The following SYNPO2 variants were observed in gnomAD, a reference collection of about 807,000 sequenced individuals.
The protein encoded by SYNPO2 is synaptopodin 2.
In SYNPO2, 56 loss-of-function variants were observed where a neutral mutation model predicts 85.0. The ratio of observed to expected loss-of-function variants is 0.66; its 90% CI spans 0.53 to 0.82. The LOEUF (loss-of-function observed/expected upper bound fraction) is 0.82, where lower values mean the gene tolerates loss of function less well. Among genes scored for constraint, SYNPO2 ranks in the 40% least tolerant of loss-of-function variants. The pLI is 0.00. For synonymous variants in SYNPO2, 602 were observed against 591.1 expected (o/e 1.02, Z -0.27); for missense variants, 1,575 against 1,534.2 (o/e 1.03, Z -0.44).
chr4:118,911,112 AG>A (rs572589817), intron 1 of SYNPO2, among the ~76,000 whole-genome samples: 19 of 152,302 alleles, frequency 1.2e-4, no homozygotes, highest in Admixed American at 6.5e-4. Context: ...TAAGTATCTA[AG>A]AGATCTATCC....
At chr4:119,037,398 C>T in intron 4 of SYNPO2, 4 of 1,208,332 alleles carry the variant, frequency 3.3e-6, no homozygotes, top group Non-Finnish European at 4.1e-6. Context: ...AAAAAATTCA[C>T]ATTCTAAGAA....
intron 1 of SYNPO2, among the ~76,000 whole-genome samples, chr4:118,964,886 T>C (rs1485690131): frequency 1.3e-5 from 2 of 152,288 alleles, no homozygotes; most frequent in Middle Eastern, 3.4e-3. Context: ...GTGGAATACA[T>C]AGTGTGTCCC....
At chr4:118,998,889 T>G (rs1306989829) in intron 1 of SYNPO2, among the ~76,000 whole-genome samples, 5 of 151,408 alleles carry the variant, frequency 3.3e-5, no homozygotes, top group African/African-American at 1.2e-4. Flanking sequence ...TCTGTTTTTG[T>G]TTTTGTTTTT....
chr4:118,919,299 G>A (rs1733456303), intron 1 of SYNPO2, among the ~76,000 whole-genome samples: 1 of 152,072 alleles, frequency 6.6e-6, no homozygotes, highest in African/African-American at 2.4e-5. Flanking sequence ...TCAGTCATTT[G>A]GAATTGATGA....
rs1739334734 is a variant in SYNPO2 at position 119,059,454 on chromosome 4, A to G, written c.*1520A>G. 6.6e-6 allele frequency: 1 copy of G among 152,156 alleles called. No individual in the cohort carries two copies. Among genetic ancestry groups the G allele is most frequent in the Admixed American group, 6.6e-5 (1 of 15,258 alleles). 9.4% of individuals were successfully genotyped at this position (152,156 alleles called of 1,614,324 possible). A position where few individuals can be genotyped will look rare whatever the true frequency, so the allele number is the denominator to read the frequency against. On this transcript the variant is annotated 3_prime_UTR_variant, in exon 5 of 5. Transcript: ENST00000307142. ...ACATGCCTTGTTAGCATGCCCATCA[A>G]ATAATCAGATCAAACACCTGCTCCT...
intron 1 of SYNPO2, among the ~76,000 whole-genome samples, chr4:118,893,527 AATG>A (rs1348219360): frequency 6.6e-6 from 1 of 152,208 alleles, no homozygotes; most frequent in African/African-American, 2.4e-5. Context: ...AGCTACAAAA[AATG>A]ATGAGATTTG....
In SYNPO2 at chr4:118,970,327, A is replaced by C. The variant is rs570212836; in HGVS notation, c.106-53103A>C. Among the ~76,000 whole-genome samples the C allele has an allele frequency of 7.4e-4, 112 of 152,310 alleles. 1 individual carries two copies. Among genetic ancestry groups the C allele is most frequent in the African/African-American group, 2.6e-3 (110 of 41,576 alleles). ...AGATAAATAAATGTTTTATTGAGAA[A>C]TTTCCAAAGGTCTTGCTATCATATG... On this transcript the variant is annotated intron_variant, in intron 1 of 4. Coordinates refer to ENST00000307142, the MANE Select transcript of SYNPO2 (RefSeq NM_133477.3).
At chr4:118,932,820 T>C (rs538366084) in intron 1 of SYNPO2, among the ~76,000 whole-genome samples, 2 of 152,326 alleles carry the variant, frequency 1.3e-5, no homozygotes, top group South Asian at 4.1e-4. Context: ...TTGTGGAGTG[T>C]CCCTTACAAA....
intron 1 of SYNPO2, among the ~76,000 whole-genome samples, chr4:118,962,471 A>G (rs77299001): frequency 0.011 from 1,665 of 152,294 alleles, 31 homozygotes; most frequent in African/African-American, 0.037. Flanking sequence ...TAATATAATA[A>G]TAATTAAAGT....
At position 119,060,417 on chromosome 4, in the gene SYNPO2, G is replaced by A. The variant is rs1466220666; in HGVS notation, c.*2483G>A. 2.6e-5 allele frequency: 4 copies of A among 151,996 alleles called. No homozygotes were observed. Among genetic ancestry groups the A allele is most frequent in the African/African-American group, 7.3e-5 (3 of 41,340 alleles). The allele number at this position is 151,996 out of a possible 1,614,324, so 9.4% of individuals were successfully genotyped here. A position where few individuals can be genotyped will look rare whatever the true frequency, so the allele number is the denominator to read the frequency against. On this transcript the variant is annotated 3_prime_UTR_variant, in exon 5 of 5. Transcript: ENST00000307142. ...TGCAGATATGAACCTGAAAATCAAAGTGCCATTGTTAAATCATCCTAAAGT... is the reference window on the plus strand; with the variant it reads ...TGCAGATATGAACCTGAAAATCAAAATGCCATTGTTAAATCATCCTAAAGT...
At chr4:119,017,219 T>C (rs1206373774) in intron 1 of SYNPO2, among the ~76,000 whole-genome samples, 1 of 152,198 alleles carries the variant, frequency 6.6e-6, no homozygotes, top group East Asian at 1.9e-4. Context: ...TTTAGACACA[T>C]GATTTGTAGA....
intron 1 of SYNPO2, among the ~76,000 whole-genome samples, chr4:118,998,110 G>A (rs79610863): frequency 0.11 from 16,045 of 152,130 alleles, 866 homozygotes; most frequent in East Asian, 0.14. Flanking sequence ...CTTGATAACC[G>A]CATTTTTCAA....
rs1228083219 is a variant in SYNPO2, at chr4:119,028,347, TAA to T, written c.1069+910_1069+911del. On this transcript the variant is annotated intron_variant, in intron 3 of 4. Coordinates refer to ENST00000307142, the MANE Select transcript of SYNPO2 (RefSeq NM_133477.3). Reference sequence around the variant, plus strand: ...AATTCGGTTATTCAAAGTAGGATATTAAGTCTTCTAACCTATTGTTATTCCTT... The same window carrying T: ...AATTCGGTTATTCAAAGTAGGATATTGTCTTCTAACCTATTGTTATTCCTT... Among the ~76,000 whole-genome samples, 6 of 152,240 alleles carry T rather than the reference TAA, an allele frequency of 3.9e-5. No individual in the cohort carries two copies. In the South Asian group the frequency reaches 6.2e-4, roughly 16 times the overall value.
At chr4:118,920,629 A>G (rs1733501558) in intron 1 of SYNPO2, among the ~76,000 whole-genome samples, 1 of 152,152 alleles carries the variant, frequency 6.6e-6, no homozygotes, top group South Asian at 2.1e-4. Context: ...TTAACCATCA[A>G]AAGAACTCTT....
At chr4:118,985,743 A>C (rs1489785190) in intron 1 of SYNPO2, among the ~76,000 whole-genome samples, 2 of 152,228 alleles carry the variant, frequency 1.3e-5, no homozygotes, top group African/African-American at 4.8e-5. Context: ...CCCTGCACAG[A>C]ACTTGGTTCA....
At chr4:119,034,578 G>A in intron 4 of SYNPO2, 1 of 985,562 alleles carries the variant, frequency 1.0e-6, no homozygotes, top group Non-Finnish European at 1.2e-6. Flanking sequence ...CTTCAGCTGG[G>A]CACTGGCAGC....
Position 119,036,479 on chromosome 4 carries a change from T to G in SYNPO2, c.3252+4452T>G, listed in dbSNP as rs1286815275. 3 of 985,320 alleles carry G rather than the reference T, an allele frequency of 3.0e-6. No homozygotes were observed. In the African/African-American group the frequency reaches 5.2e-5, roughly 17 times the overall value. The allele number at this position is 985,320 out of a possible 1,614,324, so 61.0% of individuals were successfully genotyped here. A position where few individuals can be genotyped will look rare whatever the true frequency, so the allele number is the denominator to read the frequency against. On this transcript the variant is annotated intron_variant, in intron 4 of 4. Transcript: ENST00000307142. ...ACAATTATTCTGGGAAAAAGCAGAATTGAATTCTTCTCTAGATGTCCTACC... is the reference window on the plus strand; with the variant it reads ...ACAATTATTCTGGGAAAAAGCAGAAGTGAATTCTTCTCTAGATGTCCTACC...
chr4:118,921,882 T>C (rs1380590945), intron 1 of SYNPO2, among the ~76,000 whole-genome samples: 4 of 152,094 alleles, frequency 2.6e-5, no homozygotes, highest in Admixed American at 2.6e-4. Context: ...TTGATTAACT[T>C]TTGTCACCTC....
chr4:118,927,776 T>TGATAGATA (rs70944822), intron 1 of SYNPO2, among the ~76,000 whole-genome samples: 7,873 of 102,308 alleles, frequency 0.077, 484 homozygotes, highest in Non-Finnish European at 0.095. Flanking sequence ...GATAGATAGA[T>TGATAGATA]GATAGATAGA....
Sources: allele counts gnomAD v4.1 joint callset (sites outside exome capture counted in the v4.1 genomes callset), GRCh38; gene constraint gnomAD v4.1.1; transcripts MANE v1.5; gene names NCBI Gene and HGNC (gene_info 2026-07-23, HGNC 2026-07-21).